The following POSTN variants were observed in gnomAD, a reference collection of about 807,000 sequenced individuals.
POSTN encodes the protein periostin, also known as osteoblast specific factor 2 (fasciclin I-like).
In POSTN, 71 loss-of-function variants were observed where a neutral mutation model predicts 104.5. That is an observed-to-expected ratio of 0.68 (90% CI 0.56 to 0.83). The LOEUF (loss-of-function observed/expected upper bound fraction) is 0.83, where lower values mean the gene tolerates loss of function less well. Ranked by LOEUF, POSTN falls within the 40% of genes least tolerant of loss-of-function variation. POSTN has a pLI of 0.00. For synonymous variants in POSTN, 355 were observed against 340.7 expected, an observed-to-expected ratio of 1.04 and a Z score of -0.46; for missense variants, 949 against 1,006.8, an observed-to-expected ratio of 0.94 and a Z score of 0.78.
At chr13:37,564,672 C>T (rs917574458) in intron 21 of POSTN, 112 bp from the exon 22 acceptor site, 36 of 526,392 alleles carry the variant, frequency 6.8e-5, no homozygotes, top group African/African-American at 6.4e-4. Flanking sequence ...CACTTAAACA[C>T]GAAGATTATT....
At chr13:37,587,369 A>G (rs1950780317) in intron 5 of POSTN, among the ~76,000 whole-genome samples, 1 of 152,186 alleles carries the variant, frequency 6.6e-6, no homozygotes, top group African/African-American at 2.4e-5. Flanking sequence ...TTGTTTCTTC[A>G]TTGACCTCTT....
At chr13:37,592,696 C>G (rs1376173367) in intron 2 of POSTN, among the ~76,000 whole-genome samples, 1 of 152,104 alleles carries the variant, frequency 6.6e-6, no homozygotes, top group Non-Finnish European at 1.5e-5. Context: ...ACATTTGGGT[C>G]CTAGTTCTAC....
In POSTN at chr13:37,564,544, C is replaced by G. The variant is rs1950033332; in HGVS notation, c.2448G>C (p.Lys816Asn). The G allele has an allele frequency of 6.2e-7, 1 of 1,600,812 alleles. No individual in the cohort carries two copies. The highest frequency in any genetic ancestry group is 1.7e-5 in the Admixed American group (1 of 59,328). ...CTTGAACTTTTTTGTTGGCTTGCAA[C>G]TTCCTCACGGGTGTGTCTAAAATTA... ...RLLQGDTPVR[K>N]LQANKKVQGS... The change falls in exon 22 of 23, where the codon AAG (lysine) becomes AAC (asparagine). Residue 816 changes from lysine to asparagine, a missense_variant. Transcript: ENST00000379747.
At chr13:37,566,979 G>A (rs1950120565) in intron 21 of POSTN, among the ~76,000 whole-genome samples, 2 of 151,772 alleles carry the variant, frequency 1.3e-5, no homozygotes, top group Admixed American at 6.6e-5. Flanking sequence ...GCTCACGCCT[G>A]TAATCCCAGC....
chr13:37,564,475 C>A (rs774901826), intron 22 of POSTN, 44 bp downstream of exon 22: 2 of 1,102,364 alleles, frequency 1.8e-6, no homozygotes, highest in Admixed American at 2.2e-5. Context: ...CTTCATGTAA[C>A]AAAAGAGGCC....
chr13:37,576,463 G>A (rs988430775), intron 16 of POSTN, among the ~76,000 whole-genome samples: 19 of 152,080 alleles, frequency 1.2e-4, no homozygotes, highest in Non-Finnish European at 2.2e-4. Context: ...TGCTCTGTGA[G>A]TGAGGATGTA....
chr13:37,574,708 G>GTTT (rs369364775), intron 16 of POSTN, 56 bp from the exon 17 acceptor site: 59 of 1,266,870 alleles, frequency 4.7e-5, no homozygotes, highest in Middle Eastern at 2.7e-4. Context: ...CTGAACAAAG[G>GTTT]TTTTTTTTTT....
intron 10 of POSTN, among the ~76,000 whole-genome samples, chr13:37,581,915 G>A (rs1051143758): frequency 1.3e-5 from 2 of 152,198 alleles, no homozygotes; most frequent in Non-Finnish European, 2.9e-5. Context: ...AGTAGAGACA[G>A]CATAGTGCTA....
intron 1 of POSTN, among the ~76,000 whole-genome samples, chr13:37,598,350 G>A (rs1417683348): frequency 6.6e-6 from 1 of 152,082 alleles, no homozygotes; most frequent in African/African-American, 2.4e-5. Flanking sequence ...CAGCTAAATT[G>A]TGTTAATTAG....
intron 7 of POSTN, among the ~76,000 whole-genome samples, chr13:37,585,831 C>T (rs781499517): frequency 2.6e-5 from 4 of 152,146 alleles, no homozygotes; most frequent in African/African-American, 4.8e-5. Context: ...CATTGCATAA[C>T]GTGCATACAA....
At chr13:37,569,201 A>T (rs1566542588) in intron 21 of POSTN, 99 bp downstream of exon 21, 3 of 748,132 alleles carry the variant, frequency 4.0e-6, no homozygotes, top group African/African-American at 1.8e-5. Flanking sequence ...TTTTTTTTTT[A>T]ACCCAATTAA....
In POSTN at chr13:37,564,759, T is replaced by C; in HGVS notation, c.2432-199A>G. 5 of 398,822 alleles carry C rather than the reference T, an allele frequency of 1.3e-5. No individual in the cohort carries two copies. In the South Asian group the frequency reaches 2.0e-4, roughly 16 times the overall value. 24.7% of individuals were successfully genotyped at this position (398,822 alleles called of 1,614,324 possible). On this transcript the variant is annotated intron_variant, in intron 21 of 22. Coordinates refer to ENST00000379747, the MANE Select transcript of POSTN (RefSeq NM_006475.3). Reference sequence around the variant, plus strand: ...ACAAGTAGACAGACAGTGTTTTCCATATATCATAATGAATGTTTCTTAGTT... The same window carrying C: ...ACAAGTAGACAGACAGTGTTTTCCACATATCATAATGAATGTTTCTTAGTT...
chr13:37,597,194 C>G lies in POSTN; in HGVS notation c.208G>C (p.Gly70Arg). Residue 70 changes from glycine (G) to arginine (R), a missense_variant, in exon 2 of 23, where the codon GGA (glycine) becomes CGA (arginine). Transcript: ENST00000379747. ...AAAAAAGAGACTTACGTTTTCTGTCCACAGATGGACTTTTTATACCAGTTC... is the reference window on the plus strand; with the variant it reads ...AAAAAAGAGACTTACGTTTTCTGTCGACAGATGGACTTTTTATACCAGTTC... ...CKNWYKKSIC[G>R]QKTTVLYECC... The G allele has an allele frequency of 6.4e-7, 1 of 1,553,246 alleles. No individual in the cohort carries two copies. The highest frequency in any genetic ancestry group is 8.6e-7 in the Non-Finnish European group (1 of 1,157,176).
rs973689907 is a variant in POSTN, at chr13:37,570,591, C to T, written c.2258G>A (p.Arg753Gln). Residue 753 changes from arginine to glutamine, a missense_variant, in exon 19 of 23, where the codon CGA becomes CAA. By Grantham distance (43) the Arg-to-Gln change is conservative. Transcript: ENST00000379747. ...EITEKETREE[R>Q]IITGPEIKYT... ...GAATTAATGGCTACCTGTAATGATT[C>T]GTTCTTCTCGTGTCTCTTTTTCAGT... 8.8e-6 allele frequency: 14 copies of T among 1,596,320 alleles called. No individual in the cohort carries two copies. Among genetic ancestry groups the T allele is most frequent in the Admixed American group, 5.0e-5 (3 of 59,862 alleles).
At position 37,569,106 on chromosome 13, in the gene POSTN, C is replaced by T. The variant is rs1950190449; in HGVS notation, c.2431+194G>A. 1.5e-5 allele frequency: 6 copies of T among 406,544 alleles called. No homozygotes were observed. The Admixed American group carries it at 2.1e-4, about 14-fold the overall frequency. 25.2% of individuals were successfully genotyped at this position (406,544 alleles called of 1,614,324 possible). A position where few individuals can be genotyped will look rare whatever the true frequency, so the allele number is the denominator to read the frequency against. ...TTTATACCATAGAACTTTTTAAAGA[C>T]TGTTTAAACTAGTAATCATTTCTTC... On this transcript the variant is annotated intron_variant, in intron 21 of 22. Transcript: ENST00000379747.
At chr13:37,581,192 A>G (rs895654151) in intron 10 of POSTN, among the ~76,000 whole-genome samples, 2 of 152,224 alleles carry the variant, frequency 1.3e-5, no homozygotes, top group Admixed American at 6.5e-5. Flanking sequence ...ACACACATAT[A>G]TTTGTATATA....
In POSTN at chr13:37,596,267, T is replaced by C. The variant is rs1421073394; in HGVS notation, c.218+917A>G. ...CCTTCACTGAGGGTGGACTTCAAATTAATAGGAAGCAGGAAGGAGCCACTT... is the reference window on the plus strand; with the variant it reads ...CCTTCACTGAGGGTGGACTTCAAATCAATAGGAAGCAGGAAGGAGCCACTT... On this transcript the variant is annotated intron_variant, in intron 2 of 22. Transcript: ENST00000379747. 2.0e-5 allele frequency among the ~76,000 whole-genome samples: 3 copies of C among 152,076 alleles called. No individual in the cohort carries two copies. In the East Asian group the frequency reaches 5.8e-4, roughly 29 times the overall value.
Position 37,582,396 on chromosome 13 carries a change from G to C in POSTN, c.1362C>G (p.Gly454=), listed in dbSNP as rs772969943. The C allele has an allele frequency of 6.2e-7, 1 of 1,613,596 alleles. No homozygotes were observed. The highest frequency in any genetic ancestry group is 1.7e-5 in the Admixed American group (1 of 59,904). The change falls in exon 10 of 23, where the codon GGC becomes GGG. Residue 454 remains glycine (G), a synonymous_variant. Transcript: ENST00000379747. ...YNGQILETIG[G]KQLRVFVYRT... is the part of the protein sequence containing the mutation. ...GATATACGAAGACTCTGAGCTGTTTGCCTCCGATGGTTTCCAGTATTTGCC... is the reference window on the plus strand; with the variant it reads ...GATATACGAAGACTCTGAGCTGTTTCCCTCCGATGGTTTCCAGTATTTGCC...
intron 5 of POSTN, 114 bp from the exon 6 acceptor site, chr13:37,587,042 A>G: frequency 2.3e-6 from 2 of 852,220 alleles, no homozygotes; most frequent in Non-Finnish European, 1.8e-6. Context: ...CATACAGGAA[A>G]CTACATTGTA....
Sources: gnomAD v4.1 joint callset for allele counts (sites outside exome capture counted in the v4.1 genomes callset) on GRCh38, gnomAD v4.1.1 for gene constraint, MANE v1.5 for transcripts, NCBI Gene and HGNC (gene_info 2026-07-23, HGNC 2026-07-21) for gene names.